SORBS2: variants seen among roughly 807,000 people sequenced by gnomAD.
SORBS2 encodes the protein sorbin and SH3 domain containing 2, also known as sorbin and SH3 domain-containing protein 2.
In SORBS2, 46 loss-of-function variants were observed where a neutral mutation model predicts 97.7. The ratio of observed to expected loss-of-function variants is 0.47; its 90% confidence interval spans 0.37 to 0.60. The LOEUF (loss-of-function observed/expected upper bound fraction) is 0.60. Among genes scored for constraint, SORBS2 ranks in the 20% least tolerant of loss-of-function variants. The pLI, the probability that SORBS2 is intolerant of heterozygous loss-of-function variation, is 0.00. For missense variants in SORBS2, 1,316 were observed against 1,282.3 expected (o/e 1.03, Z -0.40); for synonymous variants, 476 against 473.4 (o/e 1.01, Z -0.07).
chr4:185,646,855 T>A, intron 3 of SORBS2, 73 bp from the exon 13 acceptor site: 2 of 865,468 alleles, frequency 2.3e-6, no homozygotes, highest in South Asian at 2.9e-5. Context: ...ACCAGTTATC[T>A]GTTTTCAACA....
chr4:185,952,275 G>C (rs2099277578), intron 1 of SORBS2, among the ~76,000 whole-genome samples: 1 of 152,156 alleles, frequency 6.6e-6, no homozygotes, highest in African/African-American at 2.4e-5. Context: ...AAATCCACCA[G>C]CCTCGGCCTC....
At chr4:185,903,469 G>A (rs2099248855) in intron 1 of SORBS2, among the ~76,000 whole-genome samples, 1 of 152,146 alleles carries the variant, frequency 6.6e-6, no homozygotes, top group Admixed American at 6.5e-5. Context: ...ATGACTATCT[G>A]GAACAACATT....
intron 1 of SORBS2, among the ~76,000 whole-genome samples, chr4:185,876,874 T>C (rs1268411518): frequency 1.3e-5 from 2 of 152,244 alleles, no homozygotes; most frequent in East Asian, 1.9e-4. Flanking sequence ...GTGAAGTATA[T>C]GATAAAACTA....
chr4:185,751,688 G>T (rs1463017019), intron 2 of SORBS2, among the ~76,000 whole-genome samples: 3 of 152,146 alleles, frequency 2.0e-5, no homozygotes, highest in Non-Finnish European at 4.4e-5. Flanking sequence ...AGAGGCTAGG[G>T]CATCAGAGGG....
chr4:185,618,076 G>A (rs1388104803), intron 9 of SORBS2, among the ~76,000 whole-genome samples: 4 of 152,084 alleles, frequency 2.6e-5, no homozygotes, highest in East Asian at 1.9e-4. Context: ...CCGGTGAAGC[G>A]ATCCTTTTGC....
rs151167505 is a variant in SORBS2, at chr4:185,668,199, G to T, written c.-45-5957C>A. On this transcript the variant is annotated intron_variant, in intron 4 of 20. Coordinates refer to the SORBS2 transcript ENST00000284776. ...TCCTATGACTTGAAACATGTCAAAA[G>T]CTAAAGCGTATTCTAAAATCACCAT... 2.1e-3 allele frequency among the ~76,000 whole-genome samples: 320 copies of T among 152,304 alleles called. 1 individual carries two copies. The highest frequency in any genetic ancestry group is 7.1e-3 in the African/African-American group (297 of 41,568).
At chr4:185,670,575 T>C (rs1363850144) in intron 4 of SORBS2, among the ~76,000 whole-genome samples, 2 of 151,664 alleles carry the variant, frequency 1.3e-5, no homozygotes, top group Non-Finnish European at 2.9e-5. Context: ...CCAATGATAG[T>C]AATTTACTTG....
At chr4:185,593,609 G>A (rs1416012733) in intron 13 of SORBS2, 1 of 403,576 alleles carries the variant, frequency 2.5e-6, no homozygotes, top group Non-Finnish European at 4.4e-6. Flanking sequence ...AGCAGAGAGG[G>A]AGACAGAGTT....
intron 2 of SORBS2, among the ~76,000 whole-genome samples, chr4:185,727,209 T>C (rs1174583610): frequency 2.0e-5 from 3 of 152,180 alleles, no homozygotes; most frequent in Non-Finnish European, 4.4e-5. Flanking sequence ...TCAAAATAGT[T>C]TCATCAGAGC....
chr4:185,725,477 C>A (rs1341907554), intron 2 of SORBS2, among the ~76,000 whole-genome samples: 2 of 152,190 alleles, frequency 1.3e-5, no homozygotes, highest in African/African-American at 2.4e-5. Context: ...GCTTCTTTGA[C>A]ATAGCTAATC....
exon 14 of SORBS2, chr4:185,589,752 A>G (rs372949419): frequency 1.5e-5 from 24 of 1,611,604 alleles, no homozygotes; most frequent in Admixed American, 1.3e-4. Context: ...GCTCATCTTC[A>G]TTCCTGGGAG....
chr4:185,915,468 C>T (rs1485689663), intron 1 of SORBS2, among the ~76,000 whole-genome samples: 1 of 152,172 alleles, frequency 6.6e-6, no homozygotes, highest in Non-Finnish European at 1.5e-5. Flanking sequence ...GAGGAAAAAG[C>T]TAACTACGAG....
At position 185,623,574 on chromosome 4, in the gene SORBS2, C is replaced by T; in HGVS notation, c.1555G>A (p.Gly519Arg). 1 of 1,614,006 alleles carries T rather than the reference C, an allele frequency of 6.2e-7. No individual in the cohort carries two copies. The highest frequency in any genetic ancestry group is 8.5e-7 in the Non-Finnish European group (1 of 1,180,004). Residue 519 changes from glycine (G) to arginine (R), a missense_variant, in exon 7 of 15, where the codon GGG becomes AGG. Coordinates refer to ENST00000418609, the Ensembl canonical transcript of SORBS2. This position sits in a 1 kb window ranked among gnomAD's most constrained non-coding sequence, Gnocchi z 6.4. ...TCACTTTCACTGCAGAAGGATGACC[C>T]CTCTAGGTGAATGTAGTCACTGTGG...
At chr4:185,760,391 A>G (rs1165300234) in intron 2 of SORBS2, among the ~76,000 whole-genome samples, 2 of 152,146 alleles carry the variant, frequency 1.3e-5, no homozygotes, top group African/African-American at 4.8e-5. Flanking sequence ...GTGAAACCCC[A>G]TCTCTACTAA....
At chr4:185,916,636 G>A (rs2099258291) in intron 1 of SORBS2, among the ~76,000 whole-genome samples, 1 of 152,188 alleles carries the variant, frequency 6.6e-6, no homozygotes. Context: ...GCTTCTCAAT[G>A]GTGGCAATTT....
At chr4:185,821,684 A>G (rs565720207) in intron 1 of SORBS2, among the ~76,000 whole-genome samples, 15 of 152,300 alleles carry the variant, frequency 9.8e-5, no homozygotes, top group African/African-American at 3.4e-4. Context: ...TCAGCCTCCC[A>G]AAGTGTTGGG....
chr4:185,701,076 T>C (rs954764631), intron 2 of SORBS2, among the ~76,000 whole-genome samples: 3 of 152,216 alleles, frequency 2.0e-5, no homozygotes, highest in Non-Finnish European at 4.4e-5. Flanking sequence ...GAACACTTTT[T>C]GAGATTGTTA....
At chr4:185,587,022 A>G (rs1184018109) in exon 15 of SORBS2, 2 of 152,612 alleles carry the variant, frequency 1.3e-5, no homozygotes, top group Non-Finnish European at 2.9e-5. Context: ...CACTCATCCA[A>G]ATTAACTCGC....
chr4:185,585,559 A>G (rs1440955853), exon 15 of SORBS2: 1 of 152,260 alleles, frequency 6.6e-6, no homozygotes, highest in African/African-American at 2.4e-5. Context: ...TGTCTATTCA[A>G]GAAAAACACA....
Sources: gnomAD v4.1 joint callset for allele counts (sites outside exome capture counted in the v4.1 genomes callset) on GRCh38, gnomAD v4.1.1 for gene constraint, Gnocchi (gnomAD v3.1) non-coding constraint, MANE v1.5 for transcripts, NCBI Gene and HGNC (gene_info 2026-07-23, HGNC 2026-07-21) for gene names.